Variants in NTRK1 observed in about 807,000 individuals in gnomAD.
NTRK1 encodes the protein neurotrophic receptor tyrosine kinase 1, also known as high affinity nerve growth factor receptor.
In NTRK1, 62 loss-of-function variants were observed where a neutral mutation model predicts 86.8. The observed-to-expected ratio is 0.71, with a 90% CI of 0.58 to 0.88. The LOEUF (loss-of-function observed/expected upper bound fraction) is 0.88. Among genes scored for constraint, NTRK1 ranks in the 40% least tolerant of loss-of-function variants. The pLI is 0.00. For synonymous variants in NTRK1, 469 were observed against 456.6 expected, an observed-to-expected ratio of 1.03 and a Z score of -0.35; for missense variants, 967 against 1,078.4, an observed-to-expected ratio of 0.90 and a Z score of 1.45.
chr1:156,822,142 C>T (rs1346001528), intron 1 of NTRK1, among the ~76,000 whole-genome samples: 3 of 152,168 alleles, frequency 2.0e-5, no homozygotes, highest in African/African-American at 4.8e-5. Context: ...AGGAAACATA[C>T]ACAATTTGTG....
intron 1 of NTRK1, among the ~76,000 whole-genome samples, chr1:156,833,819 CTGTT>C (rs1021072763): frequency 3.3e-5 from 5 of 152,140 alleles, no homozygotes; most frequent in Non-Finnish European, 7.4e-5. Flanking sequence ...TCACTTCTTT[CTGTT>C]TGTTTCCTTT....
In NTRK1 at chr1:156,851,454, G is replaced by A. The variant is rs1187178923; in HGVS notation, c.50+9261G>A. 5 of 1,614,056 alleles carry A rather than the reference G, an allele frequency of 3.1e-6. No individual in the cohort carries two copies. In the Admixed American group the frequency reaches 5.0e-5, roughly 16 times the overall value. ...GGTTGTCTAGGGATGGGAAGACAGG[G>A]CTGGAGTAGGAGCAAGGAAGGTGAT... is the stretch of plus-strand genomic sequence containing the variant. On this transcript the variant is annotated intron_variant, in intron 2 of 16. Transcript: ENST00000392302.
Position 156,874,489 on chromosome 1 carries a change from A to G in NTRK1, c.1196-82A>G, listed in dbSNP as rs567448579. 1.7e-4 allele frequency: 274 copies of G among 1,610,416 alleles called. 3 individuals carry two copies. The South Asian group carries it at 1.7e-3, about 10-fold the overall frequency. On this transcript the variant is annotated intron_variant, in intron 9 of 16. Transcript: ENST00000524377. ...GTACAGCTGAACTGATCCCTGAGAGACCAGCTGGGGCCAGGGTTGGGGGGT... is the reference window on the plus strand; with the variant it reads ...GTACAGCTGAACTGATCCCTGAGAGGCCAGCTGGGGCCAGGGTTGGGGGGT...
upstream of NTRK1, chr1:156,860,828 G>A: frequency 3.0e-6 from 4 of 1,343,014 alleles, no homozygotes; most frequent in East Asian, 1.2e-4. Flanking sequence ...CTTTCCTGGC[G>A]GCTGGGTCTT....
chr1:156,874,156 G>A lies in NTRK1; in HGVS notation c.1177+197G>A, dbSNP rs545326733. 63 of 884,468 alleles carry A rather than the reference G, an allele frequency of 7.1e-5. No individual in the cohort carries two copies. In the Middle Eastern group the frequency reaches 8.7e-4, roughly 12 times the overall value. 54.8% of individuals were successfully genotyped at this position (884,468 alleles called of 1,614,324 possible). On this transcript the variant is annotated intron_variant, in intron 8 of 16. Transcript: ENST00000524377. ...GACTCCTGAACTCCTGAGCTATTCC[G>A]TCCTTGTCGGCTGGCTGAGGAGACA...
At position 156,868,648 on chromosome 1, in the gene NTRK1, G is replaced by A; in HGVS notation, c.717+1G>A. 6.4e-7 allele frequency: 1 copy of A among 1,550,736 alleles called. No homozygotes were observed. The highest frequency in any genetic ancestry group is 8.7e-7 in the Non-Finnish European group (1 of 1,146,996). On this transcript the variant is annotated splice_donor_variant, in intron 6 of 16. Transcript: ENST00000524377. LOFTEE classifies it high-confidence loss of function. ...GCTGGAGCAGTCAGCCACGGTGATG[G>A]TGAGAAGACCTTCGCTGGCAGCCCC...
chr1:156,830,376 C>T (rs987557855), intron 1 of NTRK1, among the ~76,000 whole-genome samples: 4 of 152,012 alleles, frequency 2.6e-5, no homozygotes, highest in Admixed American at 6.5e-5. Context: ...TGGTGTGCCT[C>T]GACATTTCAC....
chr1:156,849,118 C>T, intron 2 of NTRK1: 5 of 1,597,228 alleles, frequency 3.1e-6, no homozygotes, highest in South Asian at 1.1e-5. Context: ...GACCCCGCGG[C>T]ATCCCATTCC....
At chr1:156,869,353 C>T (rs1290114413) in intron 6 of NTRK1, among the ~76,000 whole-genome samples, 1 of 152,106 alleles carries the variant, frequency 6.6e-6, no homozygotes, top group Non-Finnish European at 1.5e-5. Context: ...GCTGGGATTA[C>T]AGGTGTGAGC....
Position 156,876,386 on chromosome 1 carries a change from C to T in NTRK1, c.1633-14C>T, listed in dbSNP as rs2102918950. The T allele has an allele frequency of 6.2e-7, 1 of 1,613,594 alleles. No homozygotes were observed. Among genetic ancestry groups the T allele is most frequent in the South Asian group, 1.1e-5 (1 of 91,072 alleles). ...GGCCCCCAACTCAGTCCTGTCCCTG[C>T]CGCTTCCATCCAGGCACTGAAGGAG... On this transcript the variant is annotated splice_polypyrimidine_tract_variant and intron_variant, in intron 13 of 16. Coordinates refer to ENST00000524377, the MANE Select transcript of NTRK1 (RefSeq NM_002529.4).
intron 2 of NTRK1, chr1:156,845,071 C>T: frequency 1.2e-6 from 2 of 1,602,228 alleles, no homozygotes; most frequent in Non-Finnish European, 1.7e-6. Context: ...GTGTGGATCA[C>T]CTACTGTGGG....
intron 2 of NTRK1, chr1:156,846,235 T>A (rs2102859556): frequency 4.5e-6 from 5 of 1,115,814 alleles, no homozygotes; most frequent in Non-Finnish European, 6.2e-6. Flanking sequence ...GAATAGGTGA[T>A]CCTCACCCCT....
chr1:156,876,946 G>C (rs550444764), intron 14 of NTRK1, among the ~76,000 whole-genome samples: 2 of 152,188 alleles, frequency 1.3e-5, no homozygotes, highest in East Asian at 3.9e-4. Context: ...CATTTATCAG[G>C]CACCTTCTAT....
intron 1 of NTRK1, among the ~76,000 whole-genome samples, chr1:156,823,653 C>G (rs1389347183): frequency 2.0e-5 from 3 of 152,148 alleles, no homozygotes; most frequent in African/African-American, 7.2e-5. Flanking sequence ...GTTTTCTCTC[C>G]CTGCTAAGGA....
chr1:156,821,114 T>C (rs2644599), intron 1 of NTRK1, among the ~76,000 whole-genome samples: 28,308 of 152,140 alleles, frequency 0.19, 2,962 homozygotes, highest in Non-Finnish European at 0.25. Flanking sequence ...GTAAAAGGGA[T>C]TGAGTTATTG....
intron 2 of NTRK1, chr1:156,844,842 T>A (rs199789223): frequency 6.2e-7 from 1 of 1,613,948 alleles, no homozygotes; most frequent in East Asian, 2.2e-5. Flanking sequence ...CATCAGCCTC[T>A]CCTGCGGGAA....
chr1:156,853,054 C>T (rs1655282534), intron 2 of NTRK1, among the ~76,000 whole-genome samples: 1 of 152,114 alleles, frequency 6.6e-6, no homozygotes, highest in African/African-American at 2.4e-5. Context: ...CACCAGCCAT[C>T]CCTTTTCTTT....
rs778004858 is a variant in NTRK1, at chr1:156,854,018, C to T, written c.51-10336C>T. On this transcript the variant is annotated intron_variant, in intron 2 of 16. Transcript: ENST00000392302. This position sits in a 1 kb window ranked among gnomAD's most constrained non-coding sequence, Gnocchi z 4.2. ...CCCAAGTGCAGGCAGTGCCACGTCACGCAGATGTGGCATCTCAAAGATGAC... is the reference window on the plus strand; with the variant it reads ...CCCAAGTGCAGGCAGTGCCACGTCATGCAGATGTGGCATCTCAAAGATGAC... 1.1e-5 allele frequency: 18 copies of T among 1,613,828 alleles called. No homozygotes were observed. Among genetic ancestry groups the T allele is most frequent in the East Asian group, 2.2e-5 (1 of 44,890 alleles).
intron 2 of NTRK1, chr1:156,853,807 G>A (rs1444326413): frequency 1.2e-6 from 2 of 1,612,410 alleles, no homozygotes; most frequent in Non-Finnish European, 1.7e-6. Context: ...CGCTGAAGGT[G>A]GTCTTGGCAC....
Sources: allele counts gnomAD v4.1 joint callset (sites outside exome capture counted in the v4.1 genomes callset), GRCh38; gene constraint gnomAD v4.1.1; non-coding constraint Gnocchi (gnomAD v3.1); transcripts MANE v1.5; gene names NCBI Gene and HGNC (gene_info 2026-07-23, HGNC 2026-07-21).